Variants in CACNA1I observed in about 807,000 individuals in gnomAD.
The protein encoded by CACNA1I is voltage-dependent T-type calcium channel subunit alpha-1I.
Under a neutral mutation model 201.6 loss-of-function variants are expected in CACNA1I, and 74 were observed. The observed-to-expected ratio is 0.37, with a 90% CI of 0.30 to 0.45. The LOEUF (loss-of-function observed/expected upper bound fraction) is 0.45. CACNA1I is among the 20% of genes least tolerant of loss of function. CACNA1I has a pLI of 1.00. For synonymous variants in CACNA1I, 1,431 were observed against 1,345.2 expected, an observed-to-expected ratio of 1.06 and a Z score of -1.40; for missense variants, 2,346 against 3,138.1, an observed-to-expected ratio of 0.75 and a Z score of 6.03.
intron 3 of CACNA1I, among the ~76,000 whole-genome samples, chr22:39,602,998 A>G (rs1022355211): frequency 3.3e-5 from 5 of 152,068 alleles, no homozygotes; most frequent in Admixed American, 6.6e-5. Context: ...CAAAAAATAA[A>G]AAATTAGCCA....
intron 21 of CACNA1I, 48 bp downstream of exon 21, chr22:39,664,971 C>T (rs375920067): frequency 3.8e-6 from 6 of 1,565,220 alleles, no homozygotes; most frequent in African/African-American, 1.4e-5. Flanking sequence ...TGCACTGTAC[C>T]GAGAAGCCAC....
Position 39,600,570 on chromosome 22 carries a change from G to T in CACNA1I, c.399G>T (p.Lys133Asn). ...TCTTTGCCATGGAGATGGTGCTCAA[G>T]ATGGTGGCCCTGGGGATTTTTGGCA... is the stretch of plus-strand genomic sequence containing the variant. ...FIFFAMEMVL[K>N]MVALGIFGKK... Residue 133 changes from lysine (K) to asparagine (N), a missense_variant, in exon 3 of 37, where the codon AAG becomes AAT. Around this residue, in one of 13 missense-constraint regions of CACNA1I, gnomAD observed 227 missense variants for 412.5 expected, o/e 0.55. Coordinates refer to ENST00000402142, the MANE Select transcript of CACNA1I (RefSeq NM_021096.4). 1 of 1,612,486 alleles carries T rather than the reference G, an allele frequency of 6.2e-7. No individual in the cohort carries two copies. The highest frequency in any genetic ancestry group is 8.5e-7 in the Non-Finnish European group (1 of 1,179,268).
chr22:39,598,193 C>T lies in CACNA1I; in HGVS notation c.279C>T (p.Cys93=), dbSNP rs778348693. The change falls in exon 2 of 37, where the codon TGC becomes TGT. Residue 93 remains cysteine, a synonymous_variant. Coordinates refer to ENST00000402142, the MANE Select transcript of CACNA1I (RefSeq NM_021096.4). ...GCATGCTGGTGATCCTGCTGAACTG[C>T]GTGACACTTGGCATGTACCAGCCGT... is the stretch of plus-strand genomic sequence containing the variant. ...CVSMLVILLN[C]VTLGMYQPCD... is the part of the protein sequence containing the mutation. The T allele has an allele frequency of 1.2e-5, 19 of 1,608,560 alleles. No homozygotes were observed. The South Asian group carries it at 2.1e-4, about 18-fold the overall frequency.
In CACNA1I at chr22:39,677,940, G is replaced by A. The variant is rs61279565; in HGVS notation, c.4934-47G>A. ...GAGGCACCAGGTCAGGGTGAGCCCC[G>A]CAGGCACTCCGCCATCGGGCAGGGC... On this transcript the variant is annotated intron_variant, in intron 30 of 36. Transcript: ENST00000402142. The surrounding 1 kb of genome is among the most constrained non-coding windows in gnomAD (Gnocchi z 4.8). 6.5e-4 allele frequency: 996 copies of A among 1,538,554 alleles called. 7 individuals are homozygous for A. The African/African-American group carries it at 0.011, about 17-fold the overall frequency.
chr22:39,652,300 G>A (rs1934676130), intron 10 of CACNA1I, among the ~76,000 whole-genome samples: 1 of 152,174 alleles, frequency 6.6e-6, no homozygotes, highest in South Asian at 2.1e-4. Flanking sequence ...CCAGCCAGGT[G>A]GAGCCTCTTC....
chr22:39,665,477 C>G lies in CACNA1I; in HGVS notation c.3852-21C>G. On this transcript the variant is annotated intron_variant, in intron 21 of 36. Coordinates refer to ENST00000402142, the MANE Select transcript of CACNA1I (RefSeq NM_021096.4). This position sits in a 1 kb window ranked among gnomAD's most constrained non-coding sequence, Gnocchi z 5.5. ...GGCCTGGCCAAGGGATTATGTGTGC[C>G]TGGCCTCTCCCTGCCGTCAGTGTCA... 1 of 1,612,966 alleles carries G rather than the reference C, an allele frequency of 6.2e-7. No individual in the cohort carries two copies. Among genetic ancestry groups the G allele is most frequent in the Non-Finnish European group, 8.5e-7 (1 of 1,179,560 alleles).
intron 7 of CACNA1I, among the ~76,000 whole-genome samples, chr22:39,644,752 A>G (rs7364249): frequency 0.073 from 11,023 of 151,730 alleles, 1,334 homozygotes; most frequent in African/African-American, 0.25. Context: ...CTGTGGTGCA[A>G]TCATAGCTCG....
In CACNA1I at chr22:39,665,072, A is replaced by C. The variant is rs1397009137; in HGVS notation, c.3851+149A>C. The C allele has an allele frequency of 1.4e-6, 1 of 716,186 alleles. No homozygotes were observed. Among genetic ancestry groups the C allele is most frequent in the Non-Finnish European group, 2.2e-6 (1 of 447,160 alleles). 44.4% of individuals were successfully genotyped at this position (716,186 alleles called of 1,614,324 possible). On this transcript the variant is annotated intron_variant, in intron 21 of 36. Coordinates refer to ENST00000402142, the MANE Select transcript of CACNA1I (RefSeq NM_021096.4). This position sits in a 1 kb window ranked among gnomAD's most constrained non-coding sequence, Gnocchi z 5.5. ...AAACACCCTGAGCTGTTCCCGGGGG[A>C]GGGGTCTGCAGACCCTGGGGGTGGG...
chr22:39,625,075 T>G (rs1161200712), intron 4 of CACNA1I, among the ~76,000 whole-genome samples: 1 of 152,026 alleles, frequency 6.6e-6, no homozygotes, highest in Non-Finnish European at 1.5e-5. Flanking sequence ...GTCCAGCTAA[T>G]TTTTGTATTT....
At position 39,662,345 on chromosome 22, in the gene CACNA1I, C is replaced by T; in HGVS notation, c.3282C>T (p.Cys1094=). 1 of 1,486,590 alleles carries T rather than the reference C, an allele frequency of 6.7e-7. No individual in the cohort carries two copies. Among genetic ancestry groups the T allele is most frequent in the Non-Finnish European group, 8.9e-7 (1 of 1,126,242 alleles). 92.1% of individuals were successfully genotyped at this position (1,486,590 alleles called of 1,614,324 possible). ...GCCCGGCCCCCGGGCATGAGGACTGCAATGGCAGGATGCCCAGCATCGCCA... is the reference window on the plus strand; with the variant it reads ...GCCCGGCCCCCGGGCATGAGGACTGTAATGGCAGGATGCCCAGCATCGCCA... ...AAGPAPGHED[C]NGRMPSIAKD... is the part of the protein sequence containing the mutation. Residue 1094 remains cysteine, a synonymous_variant, in exon 17 of 37, where the codon TGC becomes TGT. Coordinates refer to ENST00000402142, the MANE Select transcript of CACNA1I (RefSeq NM_021096.4).
intron 3 of CACNA1I, among the ~76,000 whole-genome samples, chr22:39,608,116 CAAAAAAAAA>C (rs147887508): frequency 9.4e-6 from 1 of 106,704 alleles, no homozygotes; most frequent in African/African-American, 3.7e-5. Flanking sequence ...ACTCCATCTC[CAAAAAAAAA>C]AAAAAAAAAA....
intron 4 of CACNA1I, among the ~76,000 whole-genome samples, chr22:39,632,090 C>G (rs767515947): frequency 1.3e-5 from 2 of 152,102 alleles, no homozygotes; most frequent in African/African-American, 2.4e-5. Flanking sequence ...TTTGGAATTT[C>G]AATATCCCAG....
chr22:39,618,891 A>G (rs1933643246), intron 3 of CACNA1I, among the ~76,000 whole-genome samples: 2 of 152,162 alleles, frequency 1.3e-5, no homozygotes, highest in Admixed American at 6.6e-5. Context: ...AAAGAGCTGC[A>G]GGGCTAGTTG....
intron 23 of CACNA1I, among the ~76,000 whole-genome samples, chr22:39,668,061 C>T (rs768654476): frequency 3.3e-5 from 5 of 152,188 alleles, no homozygotes; most frequent in Non-Finnish European, 7.3e-5. Flanking sequence ...AACCCAGGAC[C>T]GTGGGTCCAG....
chr22:39,650,029 T>G, intron 10 of CACNA1I, 104 bp downstream of exon 10: 1 of 1,265,296 alleles, frequency 7.9e-7, no homozygotes, highest in Non-Finnish European at 1.1e-6. Context: ...TTTGTGTGTC[T>G]GTCCACCTAG....
chr22:39,633,244 G>C (rs1934112915), intron 4 of CACNA1I, among the ~76,000 whole-genome samples: 1 of 152,158 alleles, frequency 6.6e-6, no homozygotes, highest in South Asian at 2.1e-4. Context: ...GCCAGGACCT[G>C]CTGGGTTCTG....
chr22:39,580,098 T>C (rs1249628962), intron 1 of CACNA1I, among the ~76,000 whole-genome samples: 3 of 152,204 alleles, frequency 2.0e-5, no homozygotes, highest in Admixed American at 2.0e-4. Context: ...TTGGGGATCA[T>C]GTTTCACAGG....
At chr22:39,587,582 T>A (rs781744693) in intron 1 of CACNA1I, among the ~76,000 whole-genome samples, 4 of 152,168 alleles carry the variant, frequency 2.6e-5, no homozygotes, top group South Asian at 4.2e-4. Flanking sequence ...GAATGAGGTT[T>A]AAAGGAGAAT....
At position 39,662,284 on chromosome 22, in the gene CACNA1I, T is replaced by G; in HGVS notation, c.3221T>G (p.Val1074Gly). ...GACCTGGCCGAGCTGGTGCCCGCGG[T>G]GGGCGCCCACCCCCGGGCCGCCTGG... ...SVDLAELVPA[V>G]GAHPRAAWRA... Residue 1074 changes from valine (V) to glycine (G), a missense_variant, in exon 17 of 37, where the codon GTG (valine) becomes GGG (glycine). By Grantham distance (109) the Val-to-Gly change is moderately radical (BLOSUM62 -3). Coordinates refer to ENST00000402142, the MANE Select transcript of CACNA1I (RefSeq NM_021096.4). The G allele has an allele frequency of 6.6e-7, 1 of 1,514,008 alleles. No homozygotes were observed. Among genetic ancestry groups the G allele is most frequent in the Non-Finnish European group, 8.8e-7 (1 of 1,136,390 alleles). 93.8% of individuals were successfully genotyped at this position (1,514,008 alleles called of 1,614,324 possible). A position where few individuals can be genotyped will look rare whatever the true frequency, so the allele number is the denominator to read the frequency against.
Sources: allele counts gnomAD v4.1 joint callset (sites outside exome capture counted in the v4.1 genomes callset), GRCh38; gene constraint gnomAD v4.1.1; regional missense constraint gnomAD v4.1.1; non-coding constraint Gnocchi (gnomAD v3.1); transcripts MANE v1.5; gene names NCBI Gene and HGNC (gene_info 2026-07-23, HGNC 2026-07-21).